TYW1B: variants seen among roughly 807,000 people sequenced by gnomAD.
TYW1B encodes tRNA-yW synthesizing protein 1 homolog B.
TYW1B carries 73 observed loss-of-function variants against 86.9 expected under a neutral mutation model. The ratio of observed to expected loss-of-function variants is 0.84; its 90% confidence interval spans 0.70 to 1.02. The LOEUF (loss-of-function observed/expected upper bound fraction) is 1.02, where lower values mean the gene tolerates loss of function less well. Ranked by LOEUF, TYW1B falls within the 50% of genes least tolerant of loss-of-function variation. The pLI, the probability that TYW1B is intolerant of heterozygous loss-of-function variation, is 0.00. For missense variants in TYW1B, 637 were observed against 827.4 expected, an observed-to-expected ratio of 0.77 and a Z score of 2.82; for synonymous variants, 248 against 292.8, an observed-to-expected ratio of 0.85 and a Z score of 1.56.
chr7:72,711,734 G>A (rs752234924), intron 10 of TYW1B, among the ~76,000 whole-genome samples: 10 of 151,794 alleles, frequency 6.6e-5, no homozygotes, highest in African/African-American at 1.7e-4. Flanking sequence ...TGATCCGCCC[G>A]TCTCAGCCTC....
At chr7:72,682,605 G>C (rs1554448628) in intron 11 of TYW1B, among the ~76,000 whole-genome samples, 1 of 152,142 alleles carries the variant, frequency 6.6e-6, no homozygotes, top group Non-Finnish European at 1.5e-5. Context: ...TTCCAATGCA[G>C]CAAGAAAGTT....
At chr7:72,690,813 T>A (rs1814133737) in intron 11 of TYW1B, among the ~76,000 whole-genome samples, 1 of 151,938 alleles carries the variant, frequency 6.6e-6, no homozygotes, top group African/African-American at 2.4e-5. Flanking sequence ...AATGGTGTGA[T>A]CTCGGCTCGC....
chr7:72,584,932 T>C (rs1258765407), intron 13 of TYW1B, among the ~76,000 whole-genome samples: 2 of 152,236 alleles, frequency 1.3e-5, no homozygotes, highest in Non-Finnish European at 2.9e-5. Flanking sequence ...CAGTGTGCTC[T>C]GCCTTTGATT....
At chr7:72,697,788 AT>A (rs1178792364) in intron 10 of TYW1B, 1 of 152,400 alleles carries the variant, frequency 6.6e-6, no homozygotes, top group African/African-American at 2.4e-5. Context: ...ATGCCCCAGG[AT>A]TCTTGATGTG....
chr7:72,583,524 C>A (rs1382416529), intron 13 of TYW1B, among the ~76,000 whole-genome samples: 1 of 152,050 alleles, frequency 6.6e-6, no homozygotes, highest in Admixed American at 6.6e-5. Context: ...GAGGAGGGTA[C>A]AAGGAAATGC....
intron 10 of TYW1B, among the ~76,000 whole-genome samples, chr7:72,696,857 G>A (rs1554451593): frequency 6.6e-6 from 1 of 152,112 alleles, no homozygotes; most frequent in Non-Finnish European, 1.5e-5. Context: ...CAATACCGAT[G>A]TACTAAGGGG....
At chr7:72,753,028 T>C (rs1022736571) in intron 7 of TYW1B, among the ~76,000 whole-genome samples, 1 of 151,974 alleles carries the variant, frequency 6.6e-6, no homozygotes, top group Non-Finnish European at 1.5e-5. Flanking sequence ...ACTTTGAAAA[T>C]TGGTAATTTA....
At chr7:72,649,170 T>C (rs1412307597) in intron 11 of TYW1B, among the ~76,000 whole-genome samples, 4 of 152,012 alleles carry the variant, frequency 2.6e-5, no homozygotes, top group African/African-American at 9.7e-5. Flanking sequence ...GACAAAGAAA[T>C]GAGAATACTC....
chr7:72,759,884 T>C (rs1787658359), intron 7 of TYW1B, among the ~76,000 whole-genome samples: 1 of 152,150 alleles, frequency 6.6e-6, no homozygotes, highest in South Asian at 2.1e-4. Context: ...AAACACTTAA[T>C]TGAAAAATTA....
chr7:72,598,757 C>T (rs1489349793), intron 13 of TYW1B, among the ~76,000 whole-genome samples: 1 of 152,040 alleles, frequency 6.6e-6, no homozygotes, highest in Admixed American at 6.6e-5. Context: ...CTTGTGACTG[C>T]GTCAAGTGGG....
intron 11 of TYW1B, among the ~76,000 whole-genome samples, chr7:72,687,137 T>A (rs1251797329): frequency 1.3e-5 from 2 of 152,122 alleles, no homozygotes; most frequent in Non-Finnish European, 2.9e-5. Context: ...TATTAAGAGT[T>A]TAAACTGGCA....
intron 3 of TYW1B, among the ~76,000 whole-genome samples, chr7:72,812,401 T>C (rs2129572749): frequency 6.6e-6 from 1 of 152,258 alleles, no homozygotes; most frequent in East Asian, 1.9e-4. Flanking sequence ...GCATTTCCAA[T>C]TTGCGGTTCA....
In TYW1B at chr7:72,777,519, C is replaced by T. The variant is rs1404027215; in HGVS notation, c.861G>A (p.Gln287=). The T allele has an allele frequency of 7.4e-6, 12 of 1,613,698 alleles. No individual in the cohort carries two copies. The highest frequency in any genetic ancestry group is 1.0e-5 in the Non-Finnish European group (12 of 1,179,912). Residue 287 remains glutamine (Q), a synonymous_variant, in exon 7 of 14, where the codon CAG becomes CAA. Transcript: ENST00000620995. ...HVKKEKREKE[Q]QEEKSGLFRN... Reference sequence around the variant, plus strand: ...TGAACAAACCAGACTTCTCTTCCTGCTGTTCCTTTTCTCTCTGCATTAAAA... The same window carrying T: ...TGAACAAACCAGACTTCTCTTCCTGTTGTTCCTTTTCTCTCTGCATTAAAA...
intron 11 of TYW1B, among the ~76,000 whole-genome samples, chr7:72,641,832 T>C (rs1812806764): frequency 6.6e-6 from 1 of 152,232 alleles, no homozygotes; most frequent in East Asian, 1.9e-4. Context: ...TAAAAAATTT[T>C]AAATCCCTGT....
intron 12 of TYW1B, among the ~76,000 whole-genome samples, chr7:72,619,288 C>G (rs1554437503): frequency 6.6e-6 from 1 of 152,108 alleles, no homozygotes; most frequent in Non-Finnish European, 1.5e-5. Context: ...GCAGTGAGCC[C>G]CTTTTGCTCA....
intron 6 of TYW1B, among the ~76,000 whole-genome samples, chr7:72,778,784 T>A (rs1331879863): frequency 6.6e-6 from 1 of 152,168 alleles, no homozygotes; most frequent in African/African-American, 2.4e-5. Flanking sequence ...TAATTGTGTT[T>A]CCTGTTGACT....
chr7:72,614,923 T>C (rs1182223323), intron 13 of TYW1B, among the ~76,000 whole-genome samples: 5 of 152,208 alleles, frequency 3.3e-5, no homozygotes, highest in Non-Finnish European at 2.9e-5. Flanking sequence ...GGGGCCAAGA[T>C]TAAAGCCCTC....
chr7:72,777,267 TC>T, intron 7 of TYW1B, 148 bp downstream of exon 7: 1 of 928,062 alleles, frequency 1.1e-6, no homozygotes, highest in South Asian at 1.9e-5. Context: ...ACAGAAGCGA[TC>T]CACAGAAGTA....
intron 13 of TYW1B, among the ~76,000 whole-genome samples, chr7:72,585,605 G>A (rs1311774313): frequency 6.6e-6 from 1 of 152,132 alleles, no homozygotes; most frequent in African/African-American, 2.4e-5. Flanking sequence ...GAATCATGGA[G>A]GAGGGCCTTT....
Sources: allele counts gnomAD v4.1 joint callset (sites outside exome capture counted in the v4.1 genomes callset), GRCh38; gene constraint gnomAD v4.1.1; transcripts MANE v1.5; gene names NCBI Gene and HGNC (gene_info 2026-07-23, HGNC 2026-07-21).